The following MEOX2 variants were observed in gnomAD, a reference collection of about 807,000 sequenced individuals.
MEOX2 encodes the protein homeobox protein MOX-2.
MEOX2 carries 11 observed loss-of-function variants against 27.0 expected under a neutral mutation model. The observed-to-expected ratio is 0.41, with a 90% CI of 0.26 to 0.68. The LOEUF is 0.68. MEOX2 is among the 30% of genes least tolerant of loss of function. The pLI is 0.33. For missense variants in MEOX2, 436 were observed against 385.4 expected (o/e 1.13, Z -1.10); for synonymous variants, 189 against 155.4 (o/e 1.22, Z -1.61).
intron 1 of MEOX2, among the ~76,000 whole-genome samples, chr7:15,653,162 A>C (rs1317260390): frequency 8.1e-6 from 1 of 124,100 alleles, no homozygotes; most frequent in Non-Finnish European, 1.8e-5. Flanking sequence ...ACCATTTTTC[A>C]ATTTTAGCTC....
rs370575597 is a variant in MEOX2 at position 15,684,395 on chromosome 7, T to A, written c.517+1491A>T. On this transcript the variant is annotated intron_variant, in intron 1 of 2. Transcript: ENST00000262041. ...CTTTCAACTCACTATCTAAAGAGAG[T>A]TTCACTTATAGTTAGGAAAATACAT... Among the ~76,000 whole-genome samples the A allele has an allele frequency of 3.3e-5, 5 of 152,162 alleles. No homozygotes were observed. The East Asian group carries it at 9.6e-4, about 29-fold the overall frequency.
At chr7:15,636,177 C>G (rs950190950) in intron 1 of MEOX2, among the ~76,000 whole-genome samples, 1 of 152,018 alleles carries the variant, frequency 6.6e-6, no homozygotes, top group South Asian at 2.1e-4. Context: ...AAAACACTTA[C>G]AAGCCGATTC....
At chr7:15,653,778 G>C (rs1781777495) in intron 1 of MEOX2, among the ~76,000 whole-genome samples, 1 of 151,882 alleles carries the variant, frequency 6.6e-6, no homozygotes, top group African/African-American at 2.4e-5. Flanking sequence ...ATTAATATAT[G>C]TTTCTGTGTC....
chr7:15,683,676 T>C (rs1297017594), intron 1 of MEOX2, among the ~76,000 whole-genome samples: 1 of 152,130 alleles, frequency 6.6e-6, no homozygotes, highest in Non-Finnish European at 1.5e-5. Context: ...TCAGCTGAAA[T>C]TGGCAAATAA....
chr7:15,671,357 T>A (rs1173110234), intron 1 of MEOX2, among the ~76,000 whole-genome samples: 1 of 152,214 alleles, frequency 6.6e-6, no homozygotes, highest in African/African-American at 2.4e-5. Flanking sequence ...GAGTCATTGG[T>A]AACCAAACTG....
intron 1 of MEOX2, among the ~76,000 whole-genome samples, chr7:15,630,180 T>C (rs1326950619): frequency 6.6e-6 from 1 of 152,082 alleles, no homozygotes; most frequent in Non-Finnish European, 1.5e-5. Context: ...ACTTATGTGT[T>C]CAGGTATGGT....
intron 1 of MEOX2, among the ~76,000 whole-genome samples, chr7:15,660,586 A>G (rs1781896580): frequency 6.6e-6 from 1 of 152,034 alleles, no homozygotes; most frequent in South Asian, 2.1e-4. Context: ...TGTGACAATT[A>G]TTTGTCTCTA....
At chr7:15,682,291 A>G (rs1453360205) in intron 1 of MEOX2, among the ~76,000 whole-genome samples, 1 of 151,808 alleles carries the variant, frequency 6.6e-6, no homozygotes, top group Non-Finnish European at 1.5e-5. Context: ...AGAAAACACA[A>G]TGATTGAAAT....
intron 1 of MEOX2, among the ~76,000 whole-genome samples, chr7:15,644,204 C>T (rs988803503): frequency 6.6e-6 from 1 of 152,042 alleles, no homozygotes; most frequent in African/African-American, 2.4e-5. Flanking sequence ...ATTGTAGCTG[C>T]CCAGCCCAGT....
At position 15,679,052 on chromosome 7, in the gene MEOX2, T is replaced by C. The variant is rs146633740; in HGVS notation, c.517+6834A>G. 5.9e-4 allele frequency: 90 copies of C among 152,304 alleles called. 2 individuals carry two copies. In the East Asian group the frequency reaches 0.017, roughly 29 times the overall value. The allele number at this position is 152,304 out of a possible 1,614,324, so 9.4% of individuals were successfully genotyped here. ...GCCTGCTGGACTCTTCACAAAACTATATATGCTTCAAGCTTAATATTTAAT... is the reference window on the plus strand; with the variant it reads ...GCCTGCTGGACTCTTCACAAAACTACATATGCTTCAAGCTTAATATTTAAT... On this transcript the variant is annotated intron_variant, in intron 1 of 2. Coordinates refer to ENST00000262041, the MANE Select transcript of MEOX2 (RefSeq NM_005924.5).
rs190461178 is a variant in MEOX2 at position 15,667,043 on chromosome 7, G to C, written c.517+18843C>G. ...GCAGTGGCTCACACCTGTAATCCCAGCACTTTGGGAAGCCGAGGAGGACAG... is the reference window on the plus strand; with the variant it reads ...GCAGTGGCTCACACCTGTAATCCCACCACTTTGGGAAGCCGAGGAGGACAG... On this transcript the variant is annotated intron_variant, in intron 1 of 2. Coordinates refer to ENST00000262041, the MANE Select transcript of MEOX2 (RefSeq NM_005924.5). 4.7e-3 allele frequency among the ~76,000 whole-genome samples: 707 copies of C among 150,822 alleles called. 7 individuals are homozygous for C. Among genetic ancestry groups the C allele is most frequent in the African/African-American group, 0.016 (669 of 41,218 alleles).
At chr7:15,670,761 T>C (rs1391958739) in intron 1 of MEOX2, among the ~76,000 whole-genome samples, 1 of 152,204 alleles carries the variant, frequency 6.6e-6, no homozygotes, top group Non-Finnish European at 1.5e-5. Context: ...CTAGCACATC[T>C]GTAATATTTG....
rs562412260 is a variant in MEOX2, at chr7:15,624,429, T to C, written c.690+2317A>G. Among the ~76,000 whole-genome samples the C allele has an allele frequency of 1.8e-4, 27 of 152,322 alleles. No homozygotes were observed. The South Asian group carries it at 2.5e-3, about 14-fold the overall frequency. On this transcript the variant is annotated intron_variant, in intron 2 of 2. Coordinates refer to ENST00000262041, the MANE Select transcript of MEOX2 (RefSeq NM_005924.5). ...GGAATGACTTCCAATGAAGCGATCT[T>C]GTCCTACACTGACACTGAGTTTGGT... is the stretch of plus-strand genomic sequence containing the variant.
intron 1 of MEOX2, among the ~76,000 whole-genome samples, chr7:15,627,680 C>T (rs965895008): frequency 1.3e-5 from 2 of 151,900 alleles, no homozygotes; most frequent in Middle Eastern, 3.2e-3. Flanking sequence ...TATATCATTC[C>T]ATTTTTCCTC....
chr7:15,621,628 T>C lies in MEOX2; in HGVS notation c.690+5118A>G, dbSNP rs528671608. On this transcript the variant is annotated intron_variant, in intron 2 of 2. Transcript: ENST00000262041. ...TTATTGCAAATCTTCATGACACATATATGAGTCATCATAAAATTTGTGTTG... is the reference window on the plus strand; with the variant it reads ...TTATTGCAAATCTTCATGACACATACATGAGTCATCATAAAATTTGTGTTG... Among the ~76,000 whole-genome samples the C allele has an allele frequency of 2.6e-5, 4 of 152,312 alleles. No homozygotes were observed. In the South Asian group the frequency reaches 8.3e-4, roughly 32 times the overall value.
At chr7:15,618,711 T>C (rs372474292) in intron 2 of MEOX2, among the ~76,000 whole-genome samples, 1 of 151,888 alleles carries the variant, frequency 6.6e-6, no homozygotes, top group African/African-American at 2.4e-5. Context: ...ATTTTGATTA[T>C]TTATGATTGT....
chr7:15,626,600 G>T, intron 2 of MEOX2, 146 bp downstream of exon 2: 6 of 484,378 alleles, frequency 1.2e-5, no homozygotes, highest in Non-Finnish European at 2.2e-5. Context: ...TTGTTATTTT[G>T]CTGGCAAAAT....
intron 1 of MEOX2, among the ~76,000 whole-genome samples, chr7:15,653,561 T>A (rs1024301669): frequency 1.3e-5 from 2 of 152,006 alleles, no homozygotes; most frequent in African/African-American, 4.8e-5. Flanking sequence ...CCAAGCTCTA[T>A]GGATTCAAAA....
chr7:15,626,932 G>A lies in MEOX2; in HGVS notation c.518-14C>T, dbSNP rs775566088. 3.1e-6 allele frequency: 5 copies of A among 1,610,092 alleles called. No individual in the cohort carries two copies. In the East Asian group the frequency reaches 1.1e-4, roughly 36 times the overall value. ...CTTCCTGGGAGTCTGAAAAAAAAGG[G>A]AGACAGAATTGGTAATAACTCATTT... On this transcript the variant is annotated splice_polypyrimidine_tract_variant and intron_variant, in intron 1 of 2. Transcript: ENST00000262041.
Sources: gnomAD v4.1 joint callset for allele counts (sites outside exome capture counted in the v4.1 genomes callset) on GRCh38, gnomAD v4.1.1 for gene constraint, MANE v1.5 for transcripts, NCBI Gene and HGNC (gene_info 2026-07-23, HGNC 2026-07-21) for gene names.